Variants in LRFN5 observed in about 807,000 individuals in gnomAD.
LRFN5 encodes leucine rich repeat and fibronectin type III domain containing 5.
In LRFN5, 24 loss-of-function variants were observed where a neutral mutation model predicts 45.6. The ratio of observed to expected loss-of-function variants is 0.53; its 90% CI spans 0.38 to 0.74. The LOEUF (loss-of-function observed/expected upper bound fraction) is 0.74. Ranked by LOEUF, LRFN5 falls within the 30% of genes least tolerant of loss-of-function variation. The pLI, the probability that LRFN5 is intolerant of heterozygous loss-of-function variation, is 0.00. For missense variants in LRFN5, 776 were observed against 861.5 expected (o/e 0.90, Z 1.24); for synonymous variants, 340 against 313.8 (o/e 1.08, Z -0.88).
chr14:41,679,851 TGGACCTTCCCTG>T (rs1339787512), intron 1 of LRFN5, among the ~76,000 whole-genome samples: 4 of 152,150 alleles, frequency 2.6e-5, no homozygotes, highest in Non-Finnish European at 5.9e-5. Flanking sequence ...ATGGCATTTT[TGGACCTTCCCTG>T]GGACAGAGGG....
At chr14:41,755,650 T>C (rs990099234) in intron 1 of LRFN5, among the ~76,000 whole-genome samples, 45 of 152,346 alleles carry the variant, frequency 3.0e-4, no homozygotes, top group African/African-American at 1.1e-3. Context: ...ATTTTGAGCC[T>C]ATGTGTGTCT....
At chr14:41,674,192 G>A (rs546795750) in intron 1 of LRFN5, among the ~76,000 whole-genome samples, 89 of 137,398 alleles carry the variant, frequency 6.5e-4, no homozygotes, top group African/African-American at 2.3e-3. Flanking sequence ...GCGGCTGGCC[G>A]GGCGGGGGGC....
chr14:41,803,756 T>C (rs939793081), intron 2 of LRFN5, among the ~76,000 whole-genome samples: 1 of 152,202 alleles, frequency 6.6e-6, no homozygotes, highest in Admixed American at 6.5e-5. Flanking sequence ...TACTGGATTC[T>C]TCTTGCCTGT....
At chr14:41,787,569 G>C (rs1886771359) in intron 2 of LRFN5, among the ~76,000 whole-genome samples, 1 of 151,240 alleles carries the variant, frequency 6.6e-6, no homozygotes, top group Non-Finnish European at 1.5e-5. Context: ...CTTCAGTAGA[G>C]GTAGAAGCAG....
intron 2 of LRFN5, among the ~76,000 whole-genome samples, chr14:41,799,188 G>A (rs1043329874): frequency 2.6e-5 from 4 of 151,932 alleles, no homozygotes; most frequent in Non-Finnish European, 5.9e-5. Context: ...TTGTTGCACT[G>A]GGCCAAGGGA....
rs1370583680 is a variant in LRFN5 at position 41,904,190 on chromosome 14, C to T, written c.*15C>T. On this transcript the variant is annotated 3_prime_UTR_variant, in exon 6 of 6. Coordinates refer to ENST00000298119, the MANE Select transcript of LRFN5 (RefSeq NM_152447.5). ...AGTTAATCTGAAGAGCACCACTTCTCCTCTCTCTCCTGAAAAAATTTGCCA... is the reference window on the plus strand; with the variant it reads ...AGTTAATCTGAAGAGCACCACTTCTTCTCTCTCTCCTGAAAAAATTTGCCA... 1.2e-6 allele frequency: 2 copies of T among 1,604,368 alleles called. No individual in the cohort carries two copies. Among genetic ancestry groups the T allele is most frequent in the African/African-American group, 2.8e-5 (2 of 71,338 alleles).
chr14:41,862,857 CTCTCT>C, intron 2 of LRFN5, among the ~76,000 whole-genome samples: 1 of 123,758 alleles, frequency 8.1e-6, no homozygotes, highest in African/African-American at 3.1e-5. Context: ...TTATTTAAGT[CTCTCT>C]TTTTTTTTTT....
chr14:41,608,918 C>T (rs1887615444), intron 1 of LRFN5, among the ~76,000 whole-genome samples: 1 of 152,150 alleles, frequency 6.6e-6, no homozygotes, highest in South Asian at 2.1e-4. Flanking sequence ...CAACCCTTTC[C>T]AGATTGTGAA....
chr14:41,676,249 A>G (rs1881623696), intron 1 of LRFN5, among the ~76,000 whole-genome samples: 1 of 152,200 alleles, frequency 6.6e-6, no homozygotes. Context: ...AAGCAAGCTG[A>G]GAAGACCAGG....
intron 1 of LRFN5, among the ~76,000 whole-genome samples, chr14:41,721,498 A>G (rs554064729): frequency 1.3e-5 from 2 of 152,232 alleles, no homozygotes; most frequent in African/African-American, 4.8e-5. Flanking sequence ...TTTTTGTGGT[A>G]GCAGGTATCA....
At chr14:41,797,557 T>A (rs1161473210) in intron 2 of LRFN5, among the ~76,000 whole-genome samples, 1 of 151,696 alleles carries the variant, frequency 6.6e-6, no homozygotes, top group East Asian at 1.9e-4. Flanking sequence ...TTAAAGTTTC[T>A]TAGCTAAATT....
At chr14:41,892,467 A>G (rs1890819915) in intron 4 of LRFN5, 1 of 981,600 alleles carries the variant, frequency 1.0e-6, no homozygotes, top group Non-Finnish European at 1.2e-6. Flanking sequence ...AAATTGTTGT[A>G]GAAAAAAGTA....
At chr14:41,797,040 T>G (rs1176240624) in intron 2 of LRFN5, among the ~76,000 whole-genome samples, 1 of 151,822 alleles carries the variant, frequency 6.6e-6, no homozygotes, top group Non-Finnish European at 1.5e-5. Flanking sequence ...TTTTCCTACA[T>G]GGTTACTAAT....
chr14:41,778,647 A>T (rs535825032), intron 2 of LRFN5, among the ~76,000 whole-genome samples: 25 of 151,956 alleles, frequency 1.6e-4, no homozygotes, highest in African/African-American at 6.0e-4. Flanking sequence ...GTGAAGAACT[A>T]TGGAGCTACC....
intron 1 of LRFN5, among the ~76,000 whole-genome samples, chr14:41,674,924 G>C (rs976563418): frequency 6.6e-6 from 1 of 151,830 alleles, no homozygotes; most frequent in Non-Finnish European, 1.5e-5. Context: ...CCTCCCAGAC[G>C]GGGTCGCGGC....
At chr14:41,728,354 A>C (rs1429730227) in intron 1 of LRFN5, among the ~76,000 whole-genome samples, 1 of 152,180 alleles carries the variant, frequency 6.6e-6, no homozygotes, top group Admixed American at 6.6e-5. Flanking sequence ...ATTGCTCAGC[A>C]AAAAAGTTTA....
intron 2 of LRFN5, among the ~76,000 whole-genome samples, chr14:41,853,207 G>C (rs185669755): frequency 2.6e-5 from 4 of 151,794 alleles, no homozygotes; most frequent in Non-Finnish European, 5.9e-5. Flanking sequence ...TAAATTGTTC[G>C]CTATGTGTGA....
At chr14:41,886,302 G>T (rs1890569370) in intron 2 of LRFN5, among the ~76,000 whole-genome samples, 1 of 151,908 alleles carries the variant, frequency 6.6e-6, no homozygotes. Context: ...TATCTCTTTT[G>T]GTTCACCCAT....
chr14:41,778,558 ATAT>A (rs1233487733), intron 2 of LRFN5, among the ~76,000 whole-genome samples: 1 of 151,732 alleles, frequency 6.6e-6, no homozygotes, highest in African/African-American at 2.4e-5. Context: ...TTAGTGAATA[ATAT>A]TGTGCTATTA....
Sources: allele counts gnomAD v4.1 joint callset (sites outside exome capture counted in the v4.1 genomes callset), GRCh38; gene constraint gnomAD v4.1.1; transcripts MANE v1.5; gene names NCBI Gene and HGNC (gene_info 2026-07-23, HGNC 2026-07-21).